PDZRN4: variants seen among roughly 807,000 people sequenced by gnomAD.
PDZRN4 encodes the protein PDZ domain-containing RING finger protein 4.
In PDZRN4, 70 loss-of-function variants were observed where a neutral mutation model predicts 99.0. The observed-to-expected ratio is 0.71, with a 90% CI of 0.58 to 0.86. PDZRN4 has a LOEUF of 0.86. Ranked by LOEUF, PDZRN4 falls within the 40% of genes least tolerant of loss-of-function variation. PDZRN4 has a pLI of 0.00. For synonymous variants in PDZRN4, 551 were observed against 501.6 expected (o/e 1.10, Z -1.32); for missense variants, 1,474 against 1,331.2 (o/e 1.11, Z -1.67).
At chr12:41,248,485 A>T (rs77942055) in intron 3 of PDZRN4, among the ~76,000 whole-genome samples, 1,893 of 150,638 alleles carry the variant, frequency 0.013, 40 homozygotes, top group African/African-American at 0.043. Context: ...GACTAAATCC[A>T]GTAAGTTAGT....
At chr12:41,561,824 T>C (rs889814809) in intron 7 of PDZRN4, among the ~76,000 whole-genome samples, 1 of 151,922 alleles carries the variant, frequency 6.6e-6, no homozygotes, top group Non-Finnish European at 1.5e-5. Context: ...AGAATTACCA[T>C]GAAACAGACA....
chr12:41,325,371 T>A (rs1035518239), intron 3 of PDZRN4, among the ~76,000 whole-genome samples: 1 of 152,202 alleles, frequency 6.6e-6, no homozygotes, highest in Non-Finnish European at 1.5e-5. Flanking sequence ...CAAGATTCAT[T>A]TGTATGCATT....
rs73119098 is a variant in PDZRN4, at chr12:41,238,606, C to A, written c.843+44418C>A. Among the ~76,000 whole-genome samples the A allele has an allele frequency of 4.3e-3, 658 of 151,724 alleles. 1 individual carries two copies. The highest frequency in any genetic ancestry group is 7.9e-3 in the South Asian group (38 of 4,806). On this transcript the variant is annotated intron_variant, in intron 3 of 9. Coordinates refer to ENST00000402685, the MANE Select transcript of PDZRN4 (RefSeq NM_001164595.2). ...TCTCAAAAGAAGACATACACGCAGCCAAAAAGCACAAGAAAAAAAGCTCAA... is the reference window on the plus strand; with the variant it reads ...TCTCAAAAGAAGACATACACGCAGCAAAAAAGCACAAGAAAAAAAGCTCAA...
intron 3 of PDZRN4, among the ~76,000 whole-genome samples, chr12:41,365,963 T>C (rs183465586): frequency 9.2e-4 from 140 of 152,212 alleles, no homozygotes; most frequent in African/African-American, 3.2e-3. Context: ...TTGAAAGTAA[T>C]AGGCCAATGA....
chr12:41,296,006 G>A (rs1371589914), intron 3 of PDZRN4, among the ~76,000 whole-genome samples: 2 of 152,024 alleles, frequency 1.3e-5, no homozygotes, highest in Non-Finnish European at 2.9e-5. Flanking sequence ...ATTTCATCTT[G>A]CTTGTGCCAT....
intron 3 of PDZRN4, among the ~76,000 whole-genome samples, chr12:41,231,715 A>G (rs892124959): frequency 6.6e-6 from 1 of 152,102 alleles, no homozygotes; most frequent in Non-Finnish European, 1.5e-5. Context: ...TAACTTTGCT[A>G]TATGACAGTG....
intron 3 of PDZRN4, among the ~76,000 whole-genome samples, chr12:41,291,907 T>C (rs146741006): frequency 8.6e-5 from 13 of 151,656 alleles, no homozygotes; most frequent in Admixed American, 8.5e-4. Flanking sequence ...TTACTAGGAG[T>C]CTCAGCACAG....
At chr12:41,497,374 C>G (rs1366050036) in intron 3 of PDZRN4, among the ~76,000 whole-genome samples, 1 of 151,852 alleles carries the variant, frequency 6.6e-6, no homozygotes, top group East Asian at 1.9e-4. Context: ...ATCCTTAGAC[C>G]TGTTATAGAA....
At chr12:41,501,798 T>C (rs1938115322) in intron 3 of PDZRN4, among the ~76,000 whole-genome samples, 1 of 152,180 alleles carries the variant, frequency 6.6e-6, no homozygotes. Flanking sequence ...GATATTTGTC[T>C]GTGCTGATCT....
At chr12:41,556,587 A>T (rs1939168607) in intron 7 of PDZRN4, among the ~76,000 whole-genome samples, 1 of 152,214 alleles carries the variant, frequency 6.6e-6, no homozygotes, top group South Asian at 2.1e-4. Flanking sequence ...TCCATTGTTG[A>T]CTGAAAAGCT....
intron 3 of PDZRN4, among the ~76,000 whole-genome samples, chr12:41,502,248 G>A (rs1289641210): frequency 2.0e-5 from 3 of 151,956 alleles, no homozygotes; most frequent in Non-Finnish European, 4.4e-5. Flanking sequence ...CTAGTTGCCC[G>A]GTTACAATGG....
chr12:41,571,950 C>G (rs1592118648), intron 9 of PDZRN4, among the ~76,000 whole-genome samples: 1 of 152,176 alleles, frequency 6.6e-6, no homozygotes, highest in South Asian at 2.1e-4. Flanking sequence ...ATTGTGGCTT[C>G]TGAACATCAG....
At chr12:41,277,002 C>G (rs1282517032) in intron 3 of PDZRN4, among the ~76,000 whole-genome samples, 1 of 152,140 alleles carries the variant, frequency 6.6e-6, no homozygotes, top group Admixed American at 6.6e-5. Flanking sequence ...TGGAAACTCT[C>G]TGTACTATAT....
chr12:41,420,284 ACT>A (rs1295133370), intron 3 of PDZRN4, among the ~76,000 whole-genome samples: 2 of 151,924 alleles, frequency 1.3e-5, no homozygotes, highest in African/African-American at 4.8e-5. Context: ...CTAGATTTGT[ACT>A]CTGTCTCCCT....
In PDZRN4 at chr12:41,422,109, T is replaced by C. The variant is rs377121508; in HGVS notation, c.844-84347T>C. Reference sequence around the variant, plus strand: ...TTGGTATTTCTTGAGGCTGACAGAGTTATCAATTTTGCTTTCATTTGTAAT... The same window carrying C: ...TTGGTATTTCTTGAGGCTGACAGAGCTATCAATTTTGCTTTCATTTGTAAT... On this transcript the variant is annotated intron_variant, in intron 3 of 9. Coordinates refer to ENST00000402685, the MANE Select transcript of PDZRN4 (RefSeq NM_001164595.2). Among the ~76,000 whole-genome samples, 3 of 152,288 alleles carry C rather than the reference T, an allele frequency of 2.0e-5. No homozygotes were observed. The East Asian group carries it at 5.8e-4, about 29-fold the overall frequency.
chr12:41,227,876 T>TACACACACACACAC (rs138441771), intron 3 of PDZRN4, among the ~76,000 whole-genome samples: 41 of 94,228 alleles, frequency 4.4e-4, no homozygotes, highest in African/African-American at 1.4e-3. Flanking sequence ...AGCAAAAATC[T>TACACACACACACAC]ACACACACAC....
chr12:41,454,999 TC>T (rs1952806330), intron 3 of PDZRN4, among the ~76,000 whole-genome samples: 1 of 152,252 alleles, frequency 6.6e-6, no homozygotes, highest in East Asian at 1.9e-4. Context: ...AATTTAAATT[TC>T]AGTTGCCACA....
At chr12:41,370,505 T>C (rs1235589803) in intron 3 of PDZRN4, among the ~76,000 whole-genome samples, 1 of 152,112 alleles carries the variant, frequency 6.6e-6, no homozygotes, top group East Asian at 1.9e-4. Flanking sequence ...TTTCACTTTG[T>C]CTTTGATGTC....
chr12:41,209,175 G>A (rs1950870394), intron 3 of PDZRN4, among the ~76,000 whole-genome samples: 2 of 151,974 alleles, frequency 1.3e-5, no homozygotes, highest in South Asian at 4.1e-4. Flanking sequence ...ATCACGGGAA[G>A]CGGTGGTTTA....
Sources: gnomAD v4.1 joint callset for allele counts (sites outside exome capture counted in the v4.1 genomes callset) on GRCh38, gnomAD v4.1.1 for gene constraint, MANE v1.5 for transcripts, NCBI Gene and HGNC (gene_info 2026-07-23, HGNC 2026-07-21) for gene names.